MIA2: variants seen among roughly 807,000 people sequenced by gnomAD.
MIA2 encodes the protein melanoma inhibitory activity protein 2.
Under a neutral mutation model 167.8 loss-of-function variants are expected in MIA2, and 127 were observed. The observed-to-expected ratio is 0.76, with a 90% confidence interval of 0.66 to 0.88. MIA2 has a LOEUF of 0.88. Ranked by LOEUF, MIA2 falls within the 40% of genes least tolerant of loss-of-function variation. MIA2 has a pLI of 0.00. For missense variants in MIA2, 1,690 were observed against 1,624.7 expected (o/e 1.04, Z -0.69); for synonymous variants, 552 against 541.9 (o/e 1.02, Z -0.26).
At chr14:39,240,299 A>G (rs1761484784) in intron 2 of MIA2, among the ~76,000 whole-genome samples, 1 of 152,204 alleles carries the variant, frequency 6.6e-6, no homozygotes, top group Admixed American at 6.5e-5. Flanking sequence ...AAAACGAATA[A>G]AATGAGTAAG....
chr14:39,342,253 C>T (rs1489558343), intron 25 of MIA2, among the ~76,000 whole-genome samples: 1 of 149,914 alleles, frequency 6.7e-6, no homozygotes, highest in Admixed American at 6.7e-5. Flanking sequence ...TGAGTGAGAA[C>T]ATGCAGTGTT....
chr14:39,287,330 C>T (rs571187635), intron 9 of MIA2, among the ~76,000 whole-genome samples: 3 of 152,124 alleles, frequency 2.0e-5, no homozygotes, highest in Admixed American at 2.0e-4. Context: ...TTATCTCAGC[C>T]TCCCAAAGTG....
chr14:39,364,247 A>G (rs2074766298), intron 23 of MIA2, among the ~76,000 whole-genome samples: 1 of 152,008 alleles, frequency 6.6e-6, no homozygotes, highest in Admixed American at 6.6e-5. Context: ...AGTCCCAGCT[A>G]CTCAGGAGGC....
At chr14:39,367,549 G>A (rs1218889390) in intron 23 of MIA2, among the ~76,000 whole-genome samples, 3 of 152,218 alleles carry the variant, frequency 2.0e-5, no homozygotes, top group African/African-American at 4.8e-5. Context: ...CAGTGGGAAT[G>A]TGGATACCTG....
downstream of MIA2, among the ~76,000 whole-genome samples, chr14:39,352,358 TTATTC>T (rs1324359983): frequency 6.6e-6 from 1 of 152,140 alleles, no homozygotes; most frequent in Non-Finnish European, 1.5e-5. Flanking sequence ...TTTTATTTCT[TTATTC>T]TATTTTATTT....
At chr14:39,370,265 C>T (rs17621388) in intron 23 of MIA2, 43,384 of 154,992 alleles carry the variant, frequency 0.28, 7,255 homozygotes, top group Non-Finnish European at 0.38. Flanking sequence ...CTGACATGAA[C>T]GCTCCATCTC....
intron 23 of MIA2, chr14:39,385,597 T>A (rs1405764058): frequency 1.1e-5 from 9 of 809,592 alleles, no homozygotes; most frequent in Non-Finnish European, 2.0e-5. Context: ...AATTTCTATA[T>A]CTACTTGCTG....
chr14:39,338,231 C>T (rs114428410), intron 25 of MIA2, among the ~76,000 whole-genome samples: 2 of 152,186 alleles, frequency 1.3e-5, no homozygotes, highest in African/African-American at 2.4e-5. Flanking sequence ...GAACTAGACA[C>T]GAGTTGTACC....
Position 39,234,067 on chromosome 14 carries a change from A to C in MIA2, c.-48A>C, listed in dbSNP as rs752618091. 14 of 1,247,912 alleles carry C rather than the reference A, an allele frequency of 1.1e-5. No homozygotes were observed. Among genetic ancestry groups the C allele is most frequent in the Non-Finnish European group, 1.6e-5 (14 of 865,848 alleles). 77.3% of individuals were successfully genotyped at this position (1,247,912 alleles called of 1,614,324 possible). A position where few individuals can be genotyped will look rare whatever the true frequency, so the allele number is the denominator to read the frequency against. On this transcript the variant is annotated 5_prime_UTR_variant, in exon 1 of 29. Coordinates refer to ENST00000640607, the MANE Select transcript of MIA2 (RefSeq NM_001329214.4). ...TTTTGGCTGACATCTCTACAACCTG[A>C]ACAATTGGCTTAAACTTCACTTGGG...
intron 9 of MIA2, 106 bp from the exon 10 acceptor site, chr14:39,290,913 A>C: frequency 9.9e-7 from 1 of 1,012,772 alleles, no homozygotes; most frequent in Admixed American, 2.7e-5. Context: ...AAGTAAATTT[A>C]ATGTATTATG....
At chr14:39,251,019 A>G (rs900214087) in intron 4 of MIA2, among the ~76,000 whole-genome samples, 1 of 152,126 alleles carries the variant, frequency 6.6e-6, no homozygotes, top group African/African-American at 2.4e-5. Flanking sequence ...ATAAAGCCAC[A>G]GGCCCTATAT....
chr14:39,355,696 A>G (rs987811365), downstream of MIA2, among the ~76,000 whole-genome samples: 4 of 152,160 alleles, frequency 2.6e-5, no homozygotes, highest in African/African-American at 9.7e-5. Flanking sequence ...GGTTTGTCAT[A>G]AATAGCTCTT....
rs772977286 is a variant in MIA2, at chr14:39,350,166, C to A, written c.4141C>A (p.Pro1381Thr). Residue 1381 changes from proline (P) to threonine (T), a missense_variant, in exon 29 of 29, where the codon CCC (proline) becomes ACC (threonine). Pro to Thr is a conservative substitution (Grantham distance 38). Coordinates refer to ENST00000640607, the MANE Select transcript of MIA2 (RefSeq NM_001329214.4). ...LPPRPGFFPP[P>T]PHSEGRSEFP... ...CCCAAGACCTGGATTTTTCCCCCCA[C>A]CCCCACATTCTGAAGGTAGAAGTGA... 2.8e-6 allele frequency: 4 copies of A among 1,419,442 alleles called. No homozygotes were observed. Among genetic ancestry groups the A allele is most frequent in the Non-Finnish European group, 3.9e-6 (4 of 1,035,134 alleles). The allele number at this position is 1,419,442 out of a possible 1,614,324, so 87.9% of individuals were successfully genotyped here. A position where few individuals can be genotyped will look rare whatever the true frequency, so the allele number is the denominator to read the frequency against.
chr14:39,372,578 A>G (rs2074969796), intron 23 of MIA2, among the ~76,000 whole-genome samples: 1 of 152,238 alleles, frequency 6.6e-6, no homozygotes, highest in Non-Finnish European at 1.5e-5. Flanking sequence ...TAAATTTTAA[A>G]TAACTTGAGG....
intron 9 of MIA2, 29 bp downstream of exon 9, chr14:39,279,566 G>A: frequency 6.9e-7 from 1 of 1,442,538 alleles, no homozygotes; most frequent in South Asian, 1.2e-5. Flanking sequence ...TAATATTCAT[G>A]TTAGAGTCAG....
At chr14:39,319,534 A>G (rs7156895) in intron 23 of MIA2, among the ~76,000 whole-genome samples, 223 of 152,038 alleles carry the variant, frequency 1.5e-3, no homozygotes, top group African/African-American at 5.1e-3. Flanking sequence ...GATGATACAT[A>G]TTTAGTACTT....
rs558848153 is a variant in MIA2, at chr14:39,315,120, TAAAA to T, written c.3180+344_3180+347del. On this transcript the variant is annotated intron_variant, in intron 20 of 28. Transcript: ENST00000640607. ...TAACATGGCAAAACCCTGTCTCTAC[TAAAA>T]AAAAAAAAAAAAAAAAAAAAAATAC... The T allele has an allele frequency of 7.0e-3, 738 of 105,846 alleles. 5 individuals carry two copies. The highest frequency in any genetic ancestry group is 0.029 in the African/African-American group (673 of 22,912). 6.6% of individuals were successfully genotyped at this position (105,846 alleles called of 1,614,324 possible).
At chr14:39,236,082 G>T (rs1338283763) in intron 1 of MIA2, among the ~76,000 whole-genome samples, 2 of 152,092 alleles carry the variant, frequency 1.3e-5, no homozygotes, top group East Asian at 3.9e-4. Context: ...CGGGGGGCAG[G>T]TGCTATGCAT....
chr14:39,241,332 A>G (rs1402177054), intron 3 of MIA2, among the ~76,000 whole-genome samples: 1 of 152,136 alleles, frequency 6.6e-6, no homozygotes, highest in African/African-American at 2.4e-5. Flanking sequence ...ATCTAGTTAA[A>G]CAAACTGCCT....
Sources: allele counts gnomAD v4.1 joint callset (sites outside exome capture counted in the v4.1 genomes callset), GRCh38; gene constraint gnomAD v4.1.1; transcripts MANE v1.5; gene names NCBI Gene and HGNC (gene_info 2026-07-23, HGNC 2026-07-21).